The following TBC1D19 variants were observed in gnomAD, a reference collection of about 807,000 sequenced individuals.
TBC1D19 encodes the protein TBC1 domain family, member 19.
TBC1D19 carries 60 observed loss-of-function variants against 89.0 expected under a neutral mutation model. The observed-to-expected ratio is 0.67, with a 90% CI of 0.55 to 0.84. The LOEUF is 0.84. TBC1D19 is among the 40% of genes least tolerant of loss of function. The pLI, the probability that TBC1D19 is intolerant of heterozygous loss-of-function variation, is 0.00. For missense variants in TBC1D19, 500 were observed against 610.8 expected (o/e 0.82, Z 1.91); for synonymous variants, 189 against 199.7 (o/e 0.95, Z 0.45).
the TBC1D19 span, among the ~76,000 whole-genome samples, chr4:26,779,814 G>A: frequency 6.6e-6 from 1 of 152,196 alleles, no homozygotes; most frequent in Admixed American, 6.5e-5. Flanking sequence ...TCTCACTCCA[G>A]CTTATAATTT....
At position 26,584,438 on chromosome 4, in the gene TBC1D19, CAAAAACA is replaced by C; in HGVS notation, c.99+151_99+157del. The C allele has an allele frequency of 7.1e-6, 5 of 704,824 alleles. No homozygotes were observed. In the South Asian group the frequency reaches 9.8e-5, roughly 14 times the overall value. The allele number at this position is 704,824 out of a possible 1,614,324, so 43.7% of individuals were successfully genotyped here. ...AAAAACAAACAGACAAAAACAAAAACAAAAACAAAAACAAAAACAAAACAAAACAAAA... is the reference window on the plus strand; with the variant it reads ...AAAAACAAACAGACAAAAACAAAAACAAAACAAAAACAAAACAAAACAAAA... On this transcript the variant is annotated intron_variant, in intron 1 of 20. Coordinates refer to ENST00000264866, the MANE Select transcript of TBC1D19 (RefSeq NM_018317.4).
upstream of TBC1D19, among the ~76,000 whole-genome samples, chr4:26,579,086 T>G (rs1308408206): frequency 6.6e-6 from 1 of 152,206 alleles, no homozygotes; most frequent in African/African-American, 2.4e-5. Flanking sequence ...GCCACCTAGA[T>G]AAGTACTATA....
chr4:26,750,737 A>G (rs941972189), intron 19 of TBC1D19, among the ~76,000 whole-genome samples: 20 of 152,242 alleles, frequency 1.3e-4, no homozygotes, highest in African/African-American at 4.8e-4. Context: ...ACATCTAGAA[A>G]TGGAACTAGA....
At chr4:26,808,545 G>A in the TBC1D19 span, among the ~76,000 whole-genome samples, 3 of 151,986 alleles carry the variant, frequency 2.0e-5, no homozygotes, top group Non-Finnish European at 4.4e-5. Flanking sequence ...TCCTGAACAG[G>A]GTGAAACCCC....
the TBC1D19 span, among the ~76,000 whole-genome samples, chr4:26,851,323 A>ATCTGTCTG: frequency 2.6e-4 from 37 of 141,380 alleles, no homozygotes; most frequent in Middle Eastern, 6.8e-3. Flanking sequence ...CTATCTATCT[A>ATCTGTCTG]TCTATCTATC....
chr4:26,742,936 A>G (rs1036620374), intron 18 of TBC1D19, among the ~76,000 whole-genome samples: 3 of 152,284 alleles, frequency 2.0e-5, no homozygotes, highest in Non-Finnish European at 4.4e-5. Flanking sequence ...ACATGATCAT[A>G]CTAAACTTAA....
Position 26,621,811 on chromosome 4 carries a change from T to G in TBC1D19, c.294+1123T>G, listed in dbSNP as rs190766414. Among the ~76,000 whole-genome samples, 330 of 151,148 alleles carry G rather than the reference T, an allele frequency of 2.2e-3. 1 individual carries two copies. The highest frequency in any genetic ancestry group is 7.2e-3 in the African/African-American group (297 of 41,198). The stretch of plus-strand genomic sequence containing the variant: ...AATACATATATGAAAGAATTGTGGG[T>G]TTTTTTTTGTTATAAAGATTTGGAA... On this transcript the variant is annotated intron_variant, in intron 4 of 20. Coordinates refer to ENST00000264866, the MANE Select transcript of TBC1D19 (RefSeq NM_018317.4).
rs1397191084 is a variant in TBC1D19, at chr4:26,724,573, G to A, written c.1084+4448G>A. On this transcript the variant is annotated intron_variant, in intron 15 of 20. Coordinates refer to ENST00000264866, the MANE Select transcript of TBC1D19 (RefSeq NM_018317.4). ...TCACTGAAGTCTTTATTTTAGTAGA[G>A]TAACAGTCAGCTAGTGATTTGACAG... 2.6e-5 allele frequency among the ~76,000 whole-genome samples: 4 copies of A among 152,116 alleles called. No individual in the cohort carries two copies. The East Asian group carries it at 7.7e-4, about 29-fold the overall frequency.
the TBC1D19 span, among the ~76,000 whole-genome samples, chr4:26,856,813 G>A: frequency 6.6e-6 from 1 of 152,214 alleles, no homozygotes; most frequent in East Asian, 1.9e-4. Context: ...CTCAAATTAA[G>A]CAGTATAGAG....
chr4:26,712,188 A>G (rs1474679079), intron 13 of TBC1D19, among the ~76,000 whole-genome samples: 1 of 151,992 alleles, frequency 6.6e-6, no homozygotes, highest in Non-Finnish European at 1.5e-5. Context: ...CTAATTATAT[A>G]TGTTTATTGT....
the TBC1D19 span, among the ~76,000 whole-genome samples, chr4:26,817,987 T>C: frequency 7.3e-6 from 1 of 136,064 alleles, no homozygotes; most frequent in African/African-American, 2.7e-5. Flanking sequence ...AAAAAATATA[T>C]ATATATATAT....
chr4:26,620,544 C>G, intron 3 of TBC1D19, 69 bp from the exon 4 acceptor site: 1 of 1,285,660 alleles, frequency 7.8e-7, no homozygotes, highest in South Asian at 1.3e-5. Context: ...ATAACATGGA[C>G]TACAGAGGTA....
At chr4:26,814,890 C>T in the TBC1D19 span, among the ~76,000 whole-genome samples, 1 of 152,080 alleles carries the variant, frequency 6.6e-6, no homozygotes, top group Non-Finnish European at 1.5e-5. Context: ...GATGTCGTGG[C>T]ACGCGCCTGT....
At chr4:26,704,704 A>AAT (rs1241407272) in intron 13 of TBC1D19, among the ~76,000 whole-genome samples, 1 of 152,116 alleles carries the variant, frequency 6.6e-6, no homozygotes, top group Non-Finnish European at 1.5e-5. Flanking sequence ...CCCCAATAGA[A>AAT]ATATATATAA....
the TBC1D19 span, among the ~76,000 whole-genome samples, chr4:26,761,760 A>T: frequency 1.3e-5 from 2 of 152,218 alleles, no homozygotes; most frequent in Non-Finnish European, 2.9e-5. Flanking sequence ...AAGGAAATGT[A>T]CTTATTTCTT....
chr4:26,722,805 T>G (rs1717062169), intron 15 of TBC1D19, among the ~76,000 whole-genome samples: 1 of 152,206 alleles, frequency 6.6e-6, no homozygotes, highest in South Asian at 2.1e-4. Context: ...CATTTAGTCC[T>G]TACAAGAACC....
At chr4:26,593,435 A>G (rs886755425) in intron 1 of TBC1D19, among the ~76,000 whole-genome samples, 3 of 152,232 alleles carry the variant, frequency 2.0e-5, no homozygotes, top group Admixed American at 2.0e-4. Flanking sequence ...ATGGGCAAGG[A>G]CTTCATGTCT....
chr4:26,581,532 C>T (rs1739065136), upstream of TBC1D19, among the ~76,000 whole-genome samples: 1 of 152,200 alleles, frequency 6.6e-6, no homozygotes, highest in Admixed American at 6.5e-5. Context: ...AGCTTCATGG[C>T]CTGCAAAGGC....
intron 12 of TBC1D19, among the ~76,000 whole-genome samples, chr4:26,686,215 G>T (rs1207839021): frequency 6.6e-6 from 1 of 152,110 alleles, no homozygotes; most frequent in African/African-American, 2.4e-5. Context: ...TCTTTTAAAG[G>T]TTAAAGGAAT....
Sources: gnomAD v4.1 joint callset for allele counts (sites outside exome capture counted in the v4.1 genomes callset) on GRCh38, gnomAD v4.1.1 for gene constraint, MANE v1.5 for transcripts, NCBI Gene and HGNC (gene_info 2026-07-23, HGNC 2026-07-21) for gene names.